The following MEI1 variants were observed in gnomAD, a reference collection of about 807,000 sequenced individuals.
MEI1 encodes meiosis inhibitor protein 1.
A neutral mutation model predicts 146.2 loss-of-function variants in MEI1; 103 were observed. That is an observed-to-expected ratio of 0.70 (90% CI 0.60 to 0.83). MEI1 has a LOEUF of 0.83. MEI1 is among the 40% of genes least tolerant of loss of function. The pLI is 0.00. For missense variants in MEI1, 1,529 were observed against 1,533.0 expected, an observed-to-expected ratio of 1.00 and a Z score of 0.04; for synonymous variants, 652 against 628.2, an observed-to-expected ratio of 1.04 and a Z score of -0.57.
At chr22:41,770,509 C>G (rs144191994) in intron 19 of MEI1, among the ~76,000 whole-genome samples, 177 bp from the exon 20 acceptor site, 12 of 152,198 alleles carry the variant, frequency 7.9e-5, no homozygotes, top group African/African-American at 2.9e-4. Context: ...TTGATAACTT[C>G]TGTTATAAGG....
intron 26 of MEI1, among the ~76,000 whole-genome samples, chr22:41,787,325 G>A (rs1335369853): frequency 6.6e-6 from 1 of 152,074 alleles, no homozygotes; most frequent in African/African-American, 2.4e-5. Context: ...ATACAGCAAT[G>A]AGAGAGTTTT....
chr22:41,706,308 A>G (rs2069090590), intron 3 of MEI1, among the ~76,000 whole-genome samples: 1 of 152,080 alleles, frequency 6.6e-6, no homozygotes, highest in Non-Finnish European at 1.5e-5. Context: ...GTGAGTCACC[A>G]TTCCTGGCCT....
chr22:41,781,405 C>T lies in MEI1; in HGVS notation c.2926+11C>T, dbSNP rs1014831290. 1.3e-6 allele frequency: 2 copies of T among 1,597,464 alleles called. No individual in the cohort carries two copies. Among genetic ancestry groups the T allele is most frequent in the South Asian group, 2.2e-5 (2 of 89,424 alleles). ...GCAGTCAGAAAAGAGGTGCAGGGGC[C>T]CGGGCTGGGACAGTGAAGAGTGCTG... is the stretch of plus-strand genomic sequence containing the variant. On this transcript the variant is annotated intron_variant, in intron 23 of 30. Coordinates refer to ENST00000401548, the MANE Select transcript of MEI1 (RefSeq NM_152513.4).
chr22:41,707,311 A>G (rs1233160834), intron 3 of MEI1, among the ~76,000 whole-genome samples: 1 of 152,144 alleles, frequency 6.6e-6, no homozygotes, highest in African/African-American at 2.4e-5. Context: ...GGGCTGGGGG[A>G]ACAAAGGAAA....
At chr22:41,783,257 C>CG (rs1187980737) in intron 24 of MEI1, among the ~76,000 whole-genome samples, 2 of 146,552 alleles carry the variant, frequency 1.4e-5, no homozygotes, top group Non-Finnish European at 3.1e-5. Flanking sequence ...CCATATAACA[C>CG]CCCCCCTCAC....
chr22:41,731,051 C>CTTT lies in MEI1; in HGVS notation c.1096+432_1096+434dup, dbSNP rs71651970. On this transcript the variant is annotated intron_variant, in intron 9 of 30. Transcript: ENST00000401548. ...TGAAACTGTCCTTCCTTGTCTGGGACTTTTTTTTTTTTTTTTTTTTGAGAT... is the reference window on the plus strand; with the variant it reads ...TGAAACTGTCCTTCCTTGTCTGGGACTTTTTTTTTTTTTTTTTTTTTTTGAGAT... Among the ~76,000 whole-genome samples the CTTT allele has an allele frequency of 4.4e-4, 52 of 117,120 alleles. 1 individual carries two copies. The highest frequency in any genetic ancestry group is 9.6e-4 in the African/African-American group (26 of 27,078). 76.8% of individuals were successfully genotyped at this position (117,120 alleles called of 152,430 possible).
intron 3 of MEI1, among the ~76,000 whole-genome samples, chr22:41,708,590 C>A (rs758266422): frequency 4.6e-5 from 7 of 152,180 alleles, no homozygotes; most frequent in Non-Finnish European, 7.3e-5. Context: ...AAGTCTTCAT[C>A]TGATGCTCTG....
chr22:41,784,918 AT>A, intron 26 of MEI1, 135 bp downstream of exon 26: 1 of 413,286 alleles, frequency 2.4e-6, no homozygotes, highest in Non-Finnish European at 3.7e-6. Flanking sequence ...TATTTCTATT[AT>A]TTTTATTTTA....
At position 41,718,054 on chromosome 22, in the gene MEI1, G is replaced by C. The variant is rs757781965; in HGVS notation, c.530-17G>C. ...ATTGTGAAATTTCCCTTGGCTCCTT[G>C]GTTGTTTTCTGGACAGGCAACCTGA... On this transcript the variant is annotated splice_polypyrimidine_tract_variant and intron_variant, in intron 5 of 30. Coordinates refer to ENST00000401548, the MANE Select transcript of MEI1 (RefSeq NM_152513.4). The C allele has an allele frequency of 4.4e-6, 7 of 1,582,456 alleles. No homozygotes were observed. The East Asian group carries it at 1.1e-4, about 25-fold the overall frequency.
intron 6 of MEI1, among the ~76,000 whole-genome samples, chr22:41,723,442 T>A (rs537543248): frequency 6.6e-6 from 1 of 152,212 alleles, no homozygotes; most frequent in Non-Finnish European, 1.5e-5. Flanking sequence ...CTTGAACTCC[T>A]GACCTCAAGT....
chr22:41,793,802 C>T, intron 26 of MEI1, 27 bp from the exon 27 acceptor site: 3 of 1,514,982 alleles, frequency 2.0e-6, no homozygotes, highest in Non-Finnish European at 2.7e-6. Flanking sequence ...CAAAACCTGA[C>T]CTGATTTTTT....
chr22:41,709,978 C>T (rs566139257), intron 3 of MEI1, among the ~76,000 whole-genome samples: 1 of 151,924 alleles, frequency 6.6e-6, no homozygotes, highest in African/African-American at 2.4e-5. Flanking sequence ...GTACCCCCCA[C>T]CCCCGGCAAA....
rs757253070 is a variant in MEI1 at position 41,699,524 on chromosome 22, AG to A, written c.-12del. The A allele has an allele frequency of 6.2e-7, 1 of 1,602,088 alleles. No homozygotes were observed. Among genetic ancestry groups the A allele is most frequent in the Non-Finnish European group, 8.5e-7 (1 of 1,175,438 alleles). On this transcript the variant is annotated 5_prime_UTR_variant, in exon 1 of 31. Coordinates refer to ENST00000401548, the MANE Select transcript of MEI1 (RefSeq NM_152513.4). Reference sequence around the variant, plus strand: ...GCGGGAAAGAGTGCCGCCTCAGCTGAGGGCAAGCGAGGAGATGGCTGTGAGG... The same window carrying A: ...GCGGGAAAGAGTGCCGCCTCAGCTGAGGCAAGCGAGGAGATGGCTGTGAGG...
At chr22:41,778,876 AAGT>A in intron 22 of MEI1, 64 bp downstream of exon 22, 1 of 1,164,026 alleles carries the variant, frequency 8.6e-7, no homozygotes, top group Non-Finnish European at 1.3e-6. Context: ...GGTGCTCACT[AAGT>A]AGGCTGGTGT....
chr22:41,798,652 A>G (rs938418537), intron 30 of MEI1, among the ~76,000 whole-genome samples: 2 of 151,760 alleles, frequency 1.3e-5, no homozygotes. Context: ...GGATCACTTG[A>G]GGTCAGGAGT....
At chr22:41,753,352 A>T (rs1362685119) in intron 16 of MEI1, among the ~76,000 whole-genome samples, 1 of 151,744 alleles carries the variant, frequency 6.6e-6, no homozygotes, top group Admixed American at 6.6e-5. Flanking sequence ...TGGTGGTAAC[A>T]CACCTTTAGT....
chr22:41,795,344 A>T lies in MEI1; in HGVS notation c.3535-67A>T. On this transcript the variant is annotated intron_variant, in intron 28 of 30. Coordinates refer to ENST00000401548, the MANE Select transcript of MEI1 (RefSeq NM_152513.4). The surrounding 1 kb of genome is among the most constrained non-coding windows in gnomAD (Gnocchi z 4.2). ...ACAGTGTCTCCTAAAGTTGGGGCAC[A>T]GCAGTTGTCTATGATGAAGGAGATG... 2 of 1,592,328 alleles carry T rather than the reference A, an allele frequency of 1.3e-6. No individual in the cohort carries two copies. Among genetic ancestry groups the T allele is most frequent in the South Asian group, 2.3e-5 (2 of 87,600 alleles).
At chr22:41,780,216 G>A (rs927854101) in intron 22 of MEI1, among the ~76,000 whole-genome samples, 1 of 152,174 alleles carries the variant, frequency 6.6e-6, no homozygotes, top group Admixed American at 6.6e-5. Context: ...AAATGTAATA[G>A]GACATTTACA....
At chr22:41,705,101 A>G (rs2068987208) in intron 2 of MEI1, among the ~76,000 whole-genome samples, 1 of 151,898 alleles carries the variant, frequency 6.6e-6, no homozygotes, top group Non-Finnish European at 1.5e-5. Flanking sequence ...CATTGTTTAT[A>G]GCTGCTTTTA....
Sources: allele counts gnomAD v4.1 joint callset (sites outside exome capture counted in the v4.1 genomes callset), GRCh38; gene constraint gnomAD v4.1.1; non-coding constraint Gnocchi (gnomAD v3.1); transcripts MANE v1.5; gene names NCBI Gene and HGNC (gene_info 2026-07-23, HGNC 2026-07-21).